Variants in GLRA3 observed in about 807,000 individuals in gnomAD.
GLRA3 encodes the protein glycine receptor alpha 3.
GLRA3 carries 44 observed loss-of-function variants against 60.4 expected under a neutral mutation model. The ratio of observed to expected loss-of-function variants is 0.73; its 90% CI spans 0.57 to 0.94. The LOEUF (loss-of-function observed/expected upper bound fraction) is 0.94, where lower values mean the gene tolerates loss of function less well. GLRA3 is among the 40% of genes least tolerant of loss of function. The pLI, the probability that GLRA3 is intolerant of heterozygous loss-of-function variation, is 0.00. For synonymous variants in GLRA3, 223 were observed against 192.9 expected (o/e 1.16, Z -1.29); for missense variants, 508 against 564.6 (o/e 0.90, Z 1.02).
intron 2 of GLRA3, among the ~76,000 whole-genome samples, chr4:174,781,201 C>T (rs1186353582): frequency 6.6e-6 from 1 of 151,986 alleles, no homozygotes; most frequent in East Asian, 1.9e-4. Context: ...GAACAACCTG[C>T]TCCTGAATGA....
intron 1 of GLRA3, among the ~76,000 whole-genome samples, chr4:174,802,883 C>A (rs926407065): frequency 1.3e-5 from 2 of 152,036 alleles, no homozygotes; most frequent in African/African-American, 4.8e-5. Context: ...AGTAGTGTTA[C>A]ATTCAGGACT....
At chr4:174,692,621 T>C (rs1054943661) in intron 5 of GLRA3, among the ~76,000 whole-genome samples, 3 of 151,284 alleles carry the variant, frequency 2.0e-5, no homozygotes, top group African/African-American at 7.3e-5. Flanking sequence ...CTTGTGATCC[T>C]GTTGATCTGT....
chr4:174,667,140 G>A (rs969570670), intron 7 of GLRA3, among the ~76,000 whole-genome samples: 7 of 152,186 alleles, frequency 4.6e-5, no homozygotes, highest in African/African-American at 1.7e-4. Flanking sequence ...GGTCATAAAT[G>A]TTCCAGACTG....
At chr4:174,684,150 T>C (rs906851047) in intron 5 of GLRA3, among the ~76,000 whole-genome samples, 4 of 151,602 alleles carry the variant, frequency 2.6e-5, no homozygotes, top group African/African-American at 9.7e-5. Context: ...TGTATTTTCT[T>C]TTCTCTTTGG....
At chr4:174,759,023 T>C (rs1488223989) in intron 3 of GLRA3, among the ~76,000 whole-genome samples, 1 of 152,116 alleles carries the variant, frequency 6.6e-6, no homozygotes, top group Non-Finnish European at 1.5e-5. Context: ...GAACTTTGAA[T>C]TTTGATAAAG....
At position 174,822,770 on chromosome 4, in the gene GLRA3, C is replaced by T. The variant is rs1268291250; in HGVS notation, c.71+5971G>A. 2.0e-5 allele frequency among the ~76,000 whole-genome samples: 3 copies of T among 152,186 alleles called. No homozygotes were observed. In the East Asian group the frequency reaches 5.8e-4, roughly 29 times the overall value. On this transcript the variant is annotated intron_variant, in intron 1 of 9. Coordinates refer to ENST00000274093, the MANE Select transcript of GLRA3 (RefSeq NM_006529.4). ...TTCTTCATCGCTTACATCGGAAATGCTTCCATTCAGTAAGCTTTTTCCAGA... is the reference window on the plus strand; with the variant it reads ...TTCTTCATCGCTTACATCGGAAATGTTTCCATTCAGTAAGCTTTTTCCAGA...
At chr4:174,664,907 T>C (rs1488134507) in intron 7 of GLRA3, among the ~76,000 whole-genome samples, 1 of 152,142 alleles carries the variant, frequency 6.6e-6, no homozygotes, top group African/African-American at 2.4e-5. Context: ...GTGTTACAGG[T>C]ATAGAGATGA....
At chr4:174,815,560 G>A (rs908982370) in intron 1 of GLRA3, among the ~76,000 whole-genome samples, 4 of 152,162 alleles carry the variant, frequency 2.6e-5, no homozygotes, top group Admixed American at 2.0e-4. Flanking sequence ...TCTGAAATCT[G>A]GGTGGAGGTT....
chr4:174,665,256 T>A (rs1335664843), intron 7 of GLRA3, among the ~76,000 whole-genome samples: 2 of 92,144 alleles, frequency 2.2e-5, no homozygotes, highest in African/African-American at 8.3e-5. Flanking sequence ...TTTTTTTTTT[T>A]GCTATTACTT....
chr4:174,772,563 T>A (rs1490941547), intron 2 of GLRA3, among the ~76,000 whole-genome samples: 1 of 152,096 alleles, frequency 6.6e-6, no homozygotes, highest in Admixed American at 6.6e-5. Flanking sequence ...GACACTTACT[T>A]GAAAGGCAGA....
intron 2 of GLRA3, among the ~76,000 whole-genome samples, chr4:174,787,132 G>A (rs1287026454): frequency 1.3e-5 from 2 of 152,050 alleles, no homozygotes; most frequent in Non-Finnish European, 2.9e-5. Context: ...AACTTTCCAA[G>A]AGAATGGCAA....
At chr4:174,821,216 G>A (rs970650101) in intron 1 of GLRA3, among the ~76,000 whole-genome samples, 1 of 152,090 alleles carries the variant, frequency 6.6e-6, no homozygotes, top group African/African-American at 2.4e-5. Context: ...GCAGTGTCAT[G>A]GAGAAAGTCC....
chr4:174,735,850 C>T (rs1168805786), intron 3 of GLRA3, among the ~76,000 whole-genome samples: 1 of 152,086 alleles, frequency 6.6e-6, no homozygotes, highest in Non-Finnish European at 1.5e-5. Flanking sequence ...CACGCCTGGC[C>T]TCATTTTGTA....
chr4:174,755,132 G>A (rs1329536176), intron 3 of GLRA3, among the ~76,000 whole-genome samples: 1 of 152,092 alleles, frequency 6.6e-6, no homozygotes, highest in Non-Finnish European at 1.5e-5. Context: ...TTGCAAAGCA[G>A]TAAAAATAGC....
intron 7 of GLRA3, among the ~76,000 whole-genome samples, chr4:174,669,854 G>A (rs1254186942): frequency 6.6e-6 from 1 of 152,172 alleles, no homozygotes; most frequent in African/African-American, 2.4e-5. Flanking sequence ...GGGATTACAG[G>A]TGTGAGCCAC....
chr4:174,704,706 G>T (rs1735452579), intron 5 of GLRA3, among the ~76,000 whole-genome samples: 1 of 143,510 alleles, frequency 7.0e-6, no homozygotes. Flanking sequence ...TTCCATCAAT[G>T]GATGAATGGA....
chr4:174,643,659 T>G lies in GLRA3; in HGVS notation c.*127A>C. On this transcript the variant is annotated 3_prime_UTR_variant, in exon 10 of 10. Coordinates refer to ENST00000274093, the MANE Select transcript of GLRA3 (RefSeq NM_006529.4). Reference sequence around the variant, plus strand: ...GCATAGCTAACCAAAATACAAAGCTTTTCCATATGCCATTTTAATACAATG... The same window carrying G: ...GCATAGCTAACCAAAATACAAAGCTGTTCCATATGCCATTTTAATACAATG... 7.1e-7 allele frequency: 1 copy of G among 1,406,164 alleles called. No individual in the cohort carries two copies. Among genetic ancestry groups the G allele is most frequent in the East Asian group, 2.4e-5 (1 of 41,662 alleles). The allele number at this position is 1,406,164 out of a possible 1,614,324, so 87.1% of individuals were successfully genotyped here.
At chr4:174,698,196 T>G (rs1206308508) in intron 5 of GLRA3, among the ~76,000 whole-genome samples, 1 of 152,032 alleles carries the variant, frequency 6.6e-6, no homozygotes, top group Non-Finnish European at 1.5e-5. Context: ...TTTGATATAT[T>G]TATATATTTT....
At position 174,704,531 on chromosome 4, in the gene GLRA3, A is replaced by G. The variant is rs1735442452; in HGVS notation, c.574+10957T>C. ...TAAGATGGTGCAGCTGCTATAAAAA[A>G]TATGGCTGCTTTTTAAATAATTAAA... On this transcript the variant is annotated intron_variant, in intron 5 of 9. Transcript: ENST00000274093. Among the ~76,000 whole-genome samples, 2 of 143,424 alleles carry G rather than the reference A, an allele frequency of 1.4e-5. 1 individual carries two copies. Among genetic ancestry groups the G allele is most frequent in the Admixed American group, 1.4e-4 (2 of 13,886 alleles). 94.1% of individuals were successfully genotyped at this position (143,424 alleles called of 152,430 possible). A position where few individuals can be genotyped will look rare whatever the true frequency, so the allele number is the denominator to read the frequency against.
Sources: allele counts gnomAD v4.1 joint callset (sites outside exome capture counted in the v4.1 genomes callset), GRCh38; gene constraint gnomAD v4.1.1; transcripts MANE v1.5; gene names NCBI Gene and HGNC (gene_info 2026-07-23, HGNC 2026-07-21).